NTM: variants seen among roughly 807,000 people sequenced by gnomAD.
NTM encodes the protein IgLON family member 2.
A neutral mutation model predicts 42.1 loss-of-function variants in NTM; 13 were observed. The ratio of observed to expected loss-of-function variants is 0.31; its 90% CI spans 0.20 to 0.49. NTM has a LOEUF of 0.49. Among genes scored for constraint, NTM ranks in the 20% least tolerant of loss-of-function variants. The probability of loss-of-function intolerance (pLI) is 0.99; values close to 1 mark genes in which losing one functional copy is unlikely to be tolerated. For missense variants in NTM, 373 were observed against 452.8 expected, an observed-to-expected ratio of 0.82 and a Z score of 1.60; for synonymous variants, 187 against 179.2, an observed-to-expected ratio of 1.04 and a Z score of -0.35.
At chr11:131,849,879 A>C (rs1252860535) in intron 1 of NTM, among the ~76,000 whole-genome samples, 1 of 151,238 alleles carries the variant, frequency 6.6e-6, no homozygotes, top group African/African-American at 2.4e-5. Flanking sequence ...CTAAATGACG[A>C]GTTAATGGGT....
intron 3 of NTM, among the ~76,000 whole-genome samples, chr11:132,190,474 A>G (rs930214019): frequency 6.6e-6 from 1 of 152,162 alleles, no homozygotes; most frequent in Non-Finnish European, 1.5e-5. Flanking sequence ...GTGGTGGCTC[A>G]CACCTGTAAT....
intron 4 of NTM, among the ~76,000 whole-genome samples, chr11:132,297,375 G>C (rs924523352): frequency 6.6e-6 from 1 of 152,180 alleles, no homozygotes. Context: ...CTCTGCATCT[G>C]AGGATGCTGC....
At chr11:132,068,942 AT>A (rs1477361972) in intron 2 of NTM, among the ~76,000 whole-genome samples, 1 of 152,234 alleles carries the variant, frequency 6.6e-6, no homozygotes, top group Non-Finnish European at 1.5e-5. Context: ...AACCAATTTT[AT>A]TTTTGAATGT....
chr11:131,909,573 G>C (rs56336423), intron 1 of NTM: 19,439 of 152,310 alleles, frequency 0.13, 1,333 homozygotes, highest in African/African-American at 0.15. Context: ...AGGGCTGGAG[G>C]CCGGCTCTGG....
At chr11:132,114,784 C>T (rs746449290) in intron 2 of NTM, among the ~76,000 whole-genome samples, 20 of 152,146 alleles carry the variant, frequency 1.3e-4, no homozygotes, top group Non-Finnish European at 2.2e-4. Context: ...CACAGTATCA[C>T]GGGTAGGCTC....
chr11:131,632,408 A>T (rs1016490999), intron 1 of NTM, among the ~76,000 whole-genome samples: 38 of 152,144 alleles, frequency 2.5e-4, no homozygotes, highest in African/African-American at 8.9e-4. Context: ...TCTTCATCTC[A>T]GTCTGAAGGT....
chr11:132,085,810 G>A (rs1026503480), intron 2 of NTM, among the ~76,000 whole-genome samples: 35 of 152,136 alleles, frequency 2.3e-4, no homozygotes, highest in Admixed American at 2.0e-4. Context: ...CCCTTTAAGA[G>A]CAGGGTTAGG....
chr11:132,088,915 T>C lies in NTM; in HGVS notation c.168-57367T>C, dbSNP rs1335036026. 9.2e-5 allele frequency among the ~76,000 whole-genome samples: 14 copies of C among 152,310 alleles called. No homozygotes were observed. In the South Asian group the frequency reaches 2.9e-3, roughly 32 times the overall value. The stretch of plus-strand genomic sequence containing the variant: ...AAAATGGGTCCCCTTTAAAGATTTT[T>C]TTTTTTTAAGATTTGGAAACAAAAA... On this transcript the variant is annotated intron_variant, in intron 2 of 8. Transcript: ENST00000683400.
chr11:131,967,596 G>C (rs891706169), intron 2 of NTM, among the ~76,000 whole-genome samples: 1 of 152,106 alleles, frequency 6.6e-6, no homozygotes, highest in Non-Finnish European at 1.5e-5. Context: ...AAGGGAAGAA[G>C]GGAAAAGACA....
chr11:132,042,501 C>A (rs2077338680), intron 2 of NTM, among the ~76,000 whole-genome samples: 1 of 152,216 alleles, frequency 6.6e-6, no homozygotes, highest in Non-Finnish European at 1.5e-5. Flanking sequence ...CAGCATCACT[C>A]TTTTCAATGA....
At chr11:132,222,947 C>A (rs2085469473) in intron 4 of NTM, among the ~76,000 whole-genome samples, 1 of 152,134 alleles carries the variant, frequency 6.6e-6, no homozygotes, top group Non-Finnish European at 1.5e-5. Flanking sequence ...TTATGGAGTG[C>A]TTTGCTGAGT....
chr11:132,007,296 T>G (rs1056760854), intron 2 of NTM, among the ~76,000 whole-genome samples: 1 of 152,190 alleles, frequency 6.6e-6, no homozygotes, highest in Non-Finnish European at 1.5e-5. Context: ...CAGGGTAGTT[T>G]GGATAAGTGG....
chr11:131,845,407 G>A (rs1203948102), intron 1 of NTM, among the ~76,000 whole-genome samples: 1 of 152,074 alleles, frequency 6.6e-6, no homozygotes, highest in Non-Finnish European at 1.5e-5. Flanking sequence ...TTCAATACCA[G>A]CACTCTACAT....
At chr11:132,129,780 C>G (rs907565126) in intron 2 of NTM, among the ~76,000 whole-genome samples, 1 of 152,210 alleles carries the variant, frequency 6.6e-6, no homozygotes, top group African/African-American at 2.4e-5. Flanking sequence ...GAAGAGCATA[C>G]AGTACAGGAG....
chr11:131,892,771 C>G (rs887334292), intron 1 of NTM, among the ~76,000 whole-genome samples: 3 of 152,226 alleles, frequency 2.0e-5, no homozygotes, highest in African/African-American at 7.2e-5. Context: ...CAGGCCAGCC[C>G]GGCATCCCCA....
intron 2 of NTM, among the ~76,000 whole-genome samples, chr11:131,975,233 T>C (rs1209050991): frequency 6.6e-6 from 1 of 151,940 alleles, no homozygotes; most frequent in Non-Finnish European, 1.5e-5. Flanking sequence ...CAGTCTGGAG[T>C]GCAGTTGAGC....
intron 2 of NTM, among the ~76,000 whole-genome samples, chr11:132,008,683 C>T (rs766791661): frequency 6.6e-6 from 1 of 152,054 alleles, no homozygotes; most frequent in Non-Finnish European, 1.5e-5. Flanking sequence ...GTCTGTTTCA[C>T]AGAATCCACA....
chr11:131,430,800 A>G lies in NTM; in HGVS notation c.82+59912A>G, dbSNP rs569106046. ...GTTGGAGGGTCTCCCTGCAGGCTAC[A>G]GCAGCCAGGACCTTTCTGGGCCACA... On this transcript the variant is annotated intron_variant, in intron 1 of 8. Coordinates refer to ENST00000683400, the MANE Select transcript of NTM (RefSeq NM_001352005.2). 4.6e-5 allele frequency among the ~76,000 whole-genome samples: 7 copies of G among 152,300 alleles called. No homozygotes were observed. The East Asian group carries it at 1.4e-3, about 29-fold the overall frequency.
intron 1 of NTM, among the ~76,000 whole-genome samples, chr11:131,409,130 G>T (rs1417923243): frequency 6.6e-6 from 1 of 152,242 alleles, no homozygotes; most frequent in African/African-American, 2.4e-5. Flanking sequence ...AGCCATGACA[G>T]AAATCATTGA....
Sources: allele counts gnomAD v4.1 joint callset (sites outside exome capture counted in the v4.1 genomes callset), GRCh38; gene constraint gnomAD v4.1.1; transcripts MANE v1.5; gene names NCBI Gene and HGNC (gene_info 2026-07-23, HGNC 2026-07-21).